The following MAP3K13 variants were observed in gnomAD, a reference collection of about 807,000 sequenced individuals.
MAP3K13 encodes leucine zipper-bearing kinase.
Under a neutral mutation model 104.0 loss-of-function variants are expected in MAP3K13, and 52 were observed. That is an observed-to-expected ratio of 0.50 (90% confidence interval 0.40 to 0.63). MAP3K13 has a LOEUF of 0.63. Ranked by LOEUF, MAP3K13 falls within the 20% of genes least tolerant of loss-of-function variation. The pLI is 0.00. For synonymous variants in MAP3K13, 394 were observed against 442.2 expected (o/e 0.89, Z 1.37); for missense variants, 914 against 1,218.5 (o/e 0.75, Z 3.72).
chr3:185,296,304 C>T (rs187073376), intron 2 of MAP3K13, among the ~76,000 whole-genome samples: 40 of 152,260 alleles, frequency 2.6e-4, no homozygotes, highest in Admixed American at 2.2e-3. Flanking sequence ...GAGCCCAAGT[C>T]CTTATAATGG....
chr3:185,445,483 A>G (rs1715543353), intron 4 of MAP3K13, among the ~76,000 whole-genome samples: 1 of 152,170 alleles, frequency 6.6e-6, no homozygotes, highest in South Asian at 2.1e-4. Context: ...TCCAGTGCAT[A>G]CATGTAAAGG....
chr3:185,457,888 C>G (rs189982697), intron 7 of MAP3K13, among the ~76,000 whole-genome samples: 302 of 152,292 alleles, frequency 2.0e-3, no homozygotes, highest in Middle Eastern at 6.8e-3. Flanking sequence ...TTAGTCTAAA[C>G]TCCATCCTGT....
chr3:185,406,782 T>A (rs566906283), intron 1 of MAP3K13, among the ~76,000 whole-genome samples: 1 of 152,354 alleles, frequency 6.6e-6, no homozygotes, highest in South Asian at 2.1e-4. Context: ...TTTTCATATT[T>A]TAAATTTTGG....
chr3:185,395,549 G>A (rs1359686987), intron 1 of MAP3K13, among the ~76,000 whole-genome samples: 10 of 146,218 alleles, frequency 6.8e-5, no homozygotes, highest in Non-Finnish European at 9.0e-5. Flanking sequence ...TAGCAGAGAC[G>A]GGGTTTCACC....
upstream of MAP3K13, among the ~76,000 whole-genome samples, chr3:185,361,755 G>C (rs143866246): frequency 1.3e-3 from 203 of 152,312 alleles, no homozygotes; most frequent in African/African-American, 4.6e-3. Context: ...GTGTACCAAT[G>C]CCGTATTTGC....
Position 185,480,518 on chromosome 3 carries a change from C to T in MAP3K13, c.2788C>T (p.Arg930Cys), listed in dbSNP as rs528512189. Residue 930 changes from arginine (R) to cysteine (C), a missense_variant, in exon 13 of 14, where the codon CGT becomes TGT. Around this residue, in one of 3 missense-constraint regions of MAP3K13, gnomAD observed 583 missense variants for 737.4 expected, o/e 0.79. Transcript: ENST00000265026. ...MSLGKLCVEE[R>C]GYENPMQFEE... is the part of the protein sequence containing the mutation. Reference sequence around the variant, plus strand: ...TCTGGGCAAGCTGTGTGTGGAGGAACGTGGCTATGAGGTGGGGGCTTCTCC... The same window carrying T: ...TCTGGGCAAGCTGTGTGTGGAGGAATGTGGCTATGAGGTGGGGGCTTCTCC... 2.2e-5 allele frequency: 36 copies of T among 1,611,780 alleles called. No homozygotes were observed. In the African/African-American group the frequency reaches 3.3e-4, roughly 15 times the overall value.
intron 1 of MAP3K13, among the ~76,000 whole-genome samples, chr3:185,421,519 A>G (rs1714130287): frequency 6.6e-6 from 1 of 152,088 alleles, no homozygotes; most frequent in East Asian, 1.9e-4. Flanking sequence ...TTCTTTTGAT[A>G]AGGGTGCCAT....
chr3:185,424,956 G>A (rs1214663803), intron 1 of MAP3K13, among the ~76,000 whole-genome samples: 2 of 152,118 alleles, frequency 1.3e-5, no homozygotes, highest in African/African-American at 4.8e-5. Flanking sequence ...TTCCACCCAA[G>A]TAGCTGACAC....
chr3:185,292,103 G>A, intron 2 of MAP3K13: 3 of 566,324 alleles, frequency 5.3e-6, no homozygotes, highest in Non-Finnish European at 4.5e-6. Context: ...TCAGGCATTT[G>A]AGACCAGCCT....
At chr3:185,367,046 T>G (rs975005522) in intron 1 of MAP3K13, among the ~76,000 whole-genome samples, 1 of 152,172 alleles carries the variant, frequency 6.6e-6, no homozygotes, top group African/African-American at 2.4e-5. Context: ...CTTCTAAGAG[T>G]TTTATAGTTT....
At chr3:185,465,177 C>T (rs1010598353) in intron 8 of MAP3K13, among the ~76,000 whole-genome samples, 4 of 152,100 alleles carry the variant, frequency 2.6e-5, no homozygotes, top group Non-Finnish European at 4.4e-5. Flanking sequence ...AGGGTTTCAC[C>T]ATATTGCACA....
upstream of MAP3K13, among the ~76,000 whole-genome samples, chr3:185,358,504 T>C (rs1205029940): frequency 1.3e-5 from 2 of 152,236 alleles, no homozygotes; most frequent in Non-Finnish European, 1.5e-5. Context: ...TAATGATATT[T>C]AGATAGCATG....
intron 1 of MAP3K13, among the ~76,000 whole-genome samples, chr3:185,409,354 C>G (rs1260834254): frequency 6.6e-6 from 1 of 152,046 alleles, no homozygotes. Context: ...GGCTACAGAG[C>G]GAGACCCTGT....
At chr3:185,387,950 A>C (rs1711794055) in intron 1 of MAP3K13, among the ~76,000 whole-genome samples, 1 of 152,188 alleles carries the variant, frequency 6.6e-6, no homozygotes, top group Non-Finnish European at 1.5e-5. Context: ...AGAACTGATT[A>C]ACAAATTCAG....
chr3:185,399,663 GA>G (rs373720375), intron 1 of MAP3K13, among the ~76,000 whole-genome samples: 42 of 4,948 alleles, frequency 8.5e-3, no homozygotes, highest in East Asian at 0.059. Flanking sequence ...AAAAAGGAGG[GA>G]AGGAAGGAAG....
chr3:185,431,915 C>A (rs1305043665), intron 2 of MAP3K13, among the ~76,000 whole-genome samples: 1 of 152,078 alleles, frequency 6.6e-6, no homozygotes, highest in African/African-American at 2.4e-5. Flanking sequence ...TTGCTCCATG[C>A]AAAAATTCTT....
At chr3:185,406,404 C>T (rs531549159) in intron 1 of MAP3K13, among the ~76,000 whole-genome samples, 1 of 152,272 alleles carries the variant, frequency 6.6e-6, no homozygotes, top group Admixed American at 6.5e-5. Context: ...AAACTAAATT[C>T]TAGCTATTGT....
chr3:185,344,125 T>C (rs974063739), intron 2 of MAP3K13, among the ~76,000 whole-genome samples: 2 of 152,262 alleles, frequency 1.3e-5, no homozygotes. Context: ...ATTTTGCATA[T>C]GTTGATGGAG....
chr3:185,437,306 C>T, intron 2 of MAP3K13, 141 bp from the exon 3 acceptor site: 1 of 631,666 alleles, frequency 1.6e-6, no homozygotes, highest in Non-Finnish European at 2.8e-6. Flanking sequence ...TTCCAAGGTA[C>T]ATAGGAAGGT....
Sources: gnomAD v4.1 joint callset for allele counts (sites outside exome capture counted in the v4.1 genomes callset) on GRCh38, gnomAD v4.1.1 for gene constraint, gnomAD v4.1.1 regional missense constraint, MANE v1.5 for transcripts, NCBI Gene and HGNC (gene_info 2026-07-23, HGNC 2026-07-21) for gene names.